BORCS5: variants seen among roughly 807,000 people sequenced by gnomAD.
The protein encoded by BORCS5 is BLOC-1 related complex subunit 5.
Under a neutral mutation model 22.1 loss-of-function variants are expected in BORCS5, and 17 were observed. The observed-to-expected ratio is 0.77, with a 90% CI of 0.53 to 1.15. The LOEUF is 1.15. Ranked by LOEUF, BORCS5 falls within the 50% of genes most tolerant of loss-of-function variation. The pLI is 0.00. For synonymous variants in BORCS5, 117 were observed against 99.8 expected (o/e 1.17, Z -1.03); for missense variants, 247 against 253.2 (o/e 0.98, Z 0.17).
chr12:12,433,698 C>G (rs1942487415), intron 2 of BORCS5, among the ~76,000 whole-genome samples: 1 of 152,172 alleles, frequency 6.6e-6, no homozygotes, highest in South Asian at 2.1e-4. Context: ...TGCCTGGAAG[C>G]AGGTTCAGGT....
intron 2 of BORCS5, among the ~76,000 whole-genome samples, chr12:12,417,052 A>C (rs951348204): frequency 6.6e-6 from 1 of 151,960 alleles, no homozygotes; most frequent in African/African-American, 2.4e-5. Flanking sequence ...TGGCCTCCCA[A>C]AGTGCTGGGA....
intron 2 of BORCS5, among the ~76,000 whole-genome samples, chr12:12,430,270 C>T (rs894311960): frequency 6.0e-5 from 9 of 150,830 alleles, no homozygotes; most frequent in Non-Finnish European, 1.3e-4. Flanking sequence ...CCTGCCTCAG[C>T]CTCCCGAGTA....
In BORCS5 at chr12:12,396,276, C is replaced by T. The variant is rs113721228; in HGVS notation, c.202+34927C>T. 3.7e-3 allele frequency among the ~76,000 whole-genome samples: 566 copies of T among 152,346 alleles called. 6 individuals carry two copies. Among genetic ancestry groups the T allele is most frequent in the African/African-American group, 0.013 (523 of 41,570 alleles). ...TGCTAGGATTACAGGTGTGAGCAAC[C>T]GTGCCCAGTGGGAGATTAATTTTGA... On this transcript the variant is annotated intron_variant, in intron 2 of 3. Coordinates refer to ENST00000314565, the MANE Select transcript of BORCS5 (RefSeq NM_058169.6).
intron 2 of BORCS5, among the ~76,000 whole-genome samples, chr12:12,403,094 T>C (rs533126871): frequency 1.7e-4 from 26 of 152,110 alleles, no homozygotes; most frequent in Non-Finnish European, 3.2e-4. Flanking sequence ...GTGTTACATG[T>C]ATTTTCTCGT....
chr12:12,357,810 T>G (rs1319250722), intron 1 of BORCS5, among the ~76,000 whole-genome samples: 3 of 152,222 alleles, frequency 2.0e-5, no homozygotes, highest in Non-Finnish European at 4.4e-5. Flanking sequence ...GCTCTAGTGC[T>G]CATGGCTGAT....
At chr12:12,457,814 A>G (rs533360471) in intron 3 of BORCS5, among the ~76,000 whole-genome samples, 5 of 152,356 alleles carry the variant, frequency 3.3e-5, no homozygotes, top group South Asian at 2.1e-4. Flanking sequence ...TCTGAAGGCA[A>G]TTGAGTTCTG....
chr12:12,439,249 T>G (rs1442234804), intron 3 of BORCS5, among the ~76,000 whole-genome samples: 2 of 152,168 alleles, frequency 1.3e-5, no homozygotes, highest in South Asian at 2.1e-4. Flanking sequence ...GGTGGGATGT[T>G]GGGTATTGGT....
chr12:12,438,253 C>G (rs150217091), intron 3 of BORCS5, among the ~76,000 whole-genome samples: 3 of 150,104 alleles, frequency 2.0e-5, no homozygotes, highest in African/African-American at 7.3e-5. Context: ...CCCAGCTCCT[C>G]GGGAGGCTGA....
chr12:12,393,123 C>A (rs1205894448), intron 2 of BORCS5, among the ~76,000 whole-genome samples: 2 of 151,970 alleles, frequency 1.3e-5, no homozygotes, highest in Non-Finnish European at 1.5e-5. Flanking sequence ...GTAGTCCCAG[C>A]TACTTGGGAG....
Position 12,368,622 on chromosome 12 carries a change from T to TTTA in BORCS5, c.202+7273_202+7274insTTA, listed in dbSNP as rs61705812. Among the ~76,000 whole-genome samples the TTTA allele has an allele frequency of 2.7e-3, 404 of 149,666 alleles. 4 individuals carry two copies. Among genetic ancestry groups the TTTA allele is most frequent in the African/African-American group, 9.2e-3 (368 of 40,048 alleles). Reference sequence around the variant, plus strand: ...ACCTGGCTAATTTTTTTTTTTTTTTTAATTTAGAGATGGGGTGTCACTCTG... The same window carrying TTTA: ...ACCTGGCTAATTTTTTTTTTTTTTTTTTAAATTTAGAGATGGGGTGTCACTCTG... On this transcript the variant is annotated intron_variant, in intron 2 of 3. Transcript: ENST00000314565.
intron 2 of BORCS5, among the ~76,000 whole-genome samples, chr12:12,420,666 T>A (rs925852732): frequency 4.6e-5 from 7 of 152,204 alleles, no homozygotes; most frequent in Non-Finnish European, 1.0e-4. Context: ...ATTGATTCTT[T>A]GTATCCGTGA....
At chr12:12,403,363 G>GAAAC (rs1415027074) in intron 2 of BORCS5, among the ~76,000 whole-genome samples, 2 of 152,144 alleles carry the variant, frequency 1.3e-5, no homozygotes, top group African/African-American at 4.8e-5. Context: ...TTCACTGTTA[G>GAAAC]AGGTCTGTTG....
At chr12:12,400,487 G>T (rs1290252974) in intron 2 of BORCS5, among the ~76,000 whole-genome samples, 1 of 151,884 alleles carries the variant, frequency 6.6e-6, no homozygotes, top group Non-Finnish European at 1.5e-5. Flanking sequence ...CTTAGACCCA[G>T]CAGGGTTTAA....
chr12:12,411,022 G>A (rs1941719355), intron 2 of BORCS5, among the ~76,000 whole-genome samples: 1 of 152,054 alleles, frequency 6.6e-6, no homozygotes, highest in Admixed American at 6.6e-5. Context: ...ATTTAGCTCT[G>A]TTTGTCTGTT....
intron 2 of BORCS5, among the ~76,000 whole-genome samples, chr12:12,421,444 C>T (rs1360688744): frequency 2.0e-5 from 3 of 152,110 alleles, no homozygotes; most frequent in African/African-American, 4.8e-5. Flanking sequence ...CTCCTGGATT[C>T]GGTTTGCCAG....
intron 2 of BORCS5, among the ~76,000 whole-genome samples, chr12:12,402,101 A>G (rs1171819923): frequency 2.0e-5 from 3 of 151,902 alleles, no homozygotes; most frequent in South Asian, 2.1e-4. Flanking sequence ...ACAGCTGGAT[A>G]ACATTTCTTT....
intron 2 of BORCS5, among the ~76,000 whole-genome samples, chr12:12,383,110 T>TA (rs1051182746): frequency 7.3e-5 from 11 of 151,462 alleles, no homozygotes; most frequent in African/African-American, 2.7e-4. Context: ...ATTTTTAGTT[T>TA]ACTGTTTTAA....
At chr12:12,387,754 C>T (rs1000012767) in intron 2 of BORCS5, among the ~76,000 whole-genome samples, 1 of 151,450 alleles carries the variant, frequency 6.6e-6, no homozygotes, top group Non-Finnish European at 1.5e-5. Flanking sequence ...CATTAAGCCA[C>T]ACCTCCCCCA....
At chr12:12,437,175 T>TG (rs1051901254) in intron 3 of BORCS5, among the ~76,000 whole-genome samples, 4 of 152,220 alleles carry the variant, frequency 2.6e-5, no homozygotes, top group African/African-American at 9.7e-5. Flanking sequence ...AATTGAGTCA[T>TG]GGGGGCAGGT....
Sources: gnomAD v4.1 joint callset for allele counts (sites outside exome capture counted in the v4.1 genomes callset) on GRCh38, gnomAD v4.1.1 for gene constraint, MANE v1.5 for transcripts, NCBI Gene and HGNC (gene_info 2026-07-23, HGNC 2026-07-21) for gene names.